CDH18: variants seen among roughly 807,000 people sequenced by gnomAD.
CDH18 encodes cadherin 18.
Under a neutral mutation model 67.9 loss-of-function variants are expected in CDH18, and 31 were observed. The ratio of observed to expected loss-of-function variants is 0.46; its 90% CI spans 0.34 to 0.62. The LOEUF (loss-of-function observed/expected upper bound fraction) is 0.62. Among genes scored for constraint, CDH18 ranks in the 20% least tolerant of loss-of-function variants. The probability of loss-of-function intolerance (pLI) is 0.01; values close to 1 mark genes in which losing one functional copy is unlikely to be tolerated. For missense variants in CDH18, 890 were observed against 975.5 expected, an observed-to-expected ratio of 0.91 and a Z score of 1.17; for synonymous variants, 362 against 347.2, an observed-to-expected ratio of 1.04 and a Z score of -0.48.
intron 5 of CDH18, among the ~76,000 whole-genome samples, chr5:19,638,995 T>TTTTTG (rs1753628720): frequency 9.1e-6 from 1 of 110,296 alleles, no homozygotes; most frequent in African/African-American, 3.2e-5. Context: ...TTTTTTTTTT[T>TTTTTG]TTTTTTTTTG....
intron 2 of CDH18, among the ~76,000 whole-genome samples, chr5:19,921,327 T>G (rs559795343): frequency 2.6e-5 from 4 of 152,062 alleles, no homozygotes; most frequent in Non-Finnish European, 4.4e-5. Flanking sequence ...GTCAGGAGAT[T>G]GCGACTATCC....
At chr5:20,110,541 G>A (rs557198767) in intron 2 of CDH18, among the ~76,000 whole-genome samples, 9 of 152,242 alleles carry the variant, frequency 5.9e-5, no homozygotes, top group South Asian at 2.1e-4. Flanking sequence ...AAAATTAGCC[G>A]GGTGTGGTGG....
chr5:20,451,164 C>G (rs143635180), intron 1 of CDH18, among the ~76,000 whole-genome samples: 7 of 152,310 alleles, frequency 4.6e-5, no homozygotes, highest in Non-Finnish European at 7.4e-5. Flanking sequence ...ACATTTCTTA[C>G]TACTCTGTAA....
chr5:20,297,945 C>CTTTTATTCTTTTACTTTATT (rs1747667194), intron 1 of CDH18, among the ~76,000 whole-genome samples: 1 of 152,116 alleles, frequency 6.6e-6, no homozygotes, highest in South Asian at 2.1e-4. Flanking sequence ...CTTGACAATA[C>CTTTTATTCTTTTACTTTATT]CTGTAATACT....
At chr5:20,381,346 C>A (rs2150100589) in intron 1 of CDH18, among the ~76,000 whole-genome samples, 1 of 151,564 alleles carries the variant, frequency 6.6e-6, no homozygotes, top group East Asian at 1.9e-4. Flanking sequence ...GGTGGAGCCT[C>A]ATGGGGAAGA....
intron 10 of CDH18, 136 bp from the exon 11 acceptor site, chr5:19,503,245 G>A (rs1743559740): frequency 1.7e-6 from 1 of 595,268 alleles, no homozygotes; most frequent in Non-Finnish European, 3.0e-6. Context: ...TCAAATTCAG[G>A]TCATAAAACA....
intron 3 of CDH18, among the ~76,000 whole-genome samples, chr5:19,794,820 G>T (rs1221649199): frequency 6.6e-6 from 1 of 152,088 alleles, no homozygotes; most frequent in East Asian, 1.9e-4. Flanking sequence ...CAGATAAGAT[G>T]ATATACACTC....
At chr5:19,665,030 G>C (rs769228505) in intron 5 of CDH18, among the ~76,000 whole-genome samples, 1 of 151,506 alleles carries the variant, frequency 6.6e-6, no homozygotes, top group Non-Finnish European at 1.5e-5. Context: ...AGTAATAATT[G>C]GTAGATTTTT....
At chr5:19,764,252 C>T (rs796909755) in intron 3 of CDH18, among the ~76,000 whole-genome samples, 4 of 149,902 alleles carry the variant, frequency 2.7e-5, no homozygotes, top group African/African-American at 9.8e-5. Flanking sequence ...ATTTGAGAGA[C>T]AAAAAGGAAT....
In CDH18 at chr5:20,460,440, T is replaced by TAAATAAAA. The variant is rs1313804068; in HGVS notation, c.-580+115021_-580+115022insTTTTATTT. 4.8e-4 allele frequency among the ~76,000 whole-genome samples: 62 copies of TAAATAAAA among 130,226 alleles called. No individual in the cohort carries two copies. In the Middle Eastern group the frequency reaches 0.017, roughly 35 times the overall value. The allele number at this position is 130,226 out of a possible 152,430, so 85.4% of individuals were successfully genotyped here. A position where few individuals can be genotyped will look rare whatever the true frequency, so the allele number is the denominator to read the frequency against. On this transcript the variant is annotated intron_variant, in intron 1 of 14. Transcript: ENST00000507958. Reference sequence around the variant, plus strand: ...ATAAATAAATAAATAAATAAATAAATAAAATATGTTGCGTGACTGAGGCAT... The same window carrying TAAATAAAA: ...ATAAATAAATAAATAAATAAATAAATAAATAAAAAAAATATGTTGCGTGACTGAGGCAT...
At chr5:19,691,359 C>T (rs1761856999) in intron 5 of CDH18, among the ~76,000 whole-genome samples, 1 of 151,802 alleles carries the variant, frequency 6.6e-6, no homozygotes, top group African/African-American at 2.4e-5. Context: ...TTCACAACTC[C>T]TATTCAACAT....
At chr5:19,732,234 T>C (rs189248172) in intron 4 of CDH18, among the ~76,000 whole-genome samples, 72 of 140,032 alleles carry the variant, frequency 5.1e-4, no homozygotes, top group African/African-American at 1.9e-3. Flanking sequence ...TGAGCCCAGA[T>C]ATTCAAGACC....
chr5:20,422,576 AT>A (rs1747947274), intron 1 of CDH18, among the ~76,000 whole-genome samples: 1 of 151,108 alleles, frequency 6.6e-6, no homozygotes, highest in Admixed American at 6.6e-5. Context: ...TTATTTGAAA[AT>A]TTAACTGAAG....
At chr5:20,297,621 G>A (rs112460744) in intron 1 of CDH18, among the ~76,000 whole-genome samples, 3 of 152,286 alleles carry the variant, frequency 2.0e-5, no homozygotes, top group African/African-American at 7.2e-5. Context: ...ACTGGATGCT[G>A]CTAAATATAC....
chr5:19,784,802 T>C (rs1300473959), intron 3 of CDH18, among the ~76,000 whole-genome samples: 4 of 152,128 alleles, frequency 2.6e-5, no homozygotes, highest in African/African-American at 9.7e-5. Context: ...AAAAGACACA[T>C]TTACCATCTA....
At chr5:19,841,482 C>A (rs1040924320) in intron 2 of CDH18, among the ~76,000 whole-genome samples, 1 of 151,074 alleles carries the variant, frequency 6.6e-6, no homozygotes. Flanking sequence ...ATTTAATATT[C>A]TTTCCAGCAT....
chr5:19,948,704 C>T (rs1407758213), intron 2 of CDH18, among the ~76,000 whole-genome samples: 8 of 151,900 alleles, frequency 5.3e-5, no homozygotes, highest in East Asian at 3.9e-4. Context: ...GAATAAGCTT[C>T]GTAGATTGTA....
rs575212207 is a variant in CDH18 at position 20,502,231 on chromosome 5, C to T, written c.-580+73231G>A. Reference sequence around the variant, plus strand: ...TCCAAGGATGACTAGTTATGTTGTTCAATGGATTACTTGTTTCTAAATCAA... The same window carrying T: ...TCCAAGGATGACTAGTTATGTTGTTTAATGGATTACTTGTTTCTAAATCAA... On this transcript the variant is annotated intron_variant, in intron 1 of 14. Coordinates refer to the CDH18 transcript ENST00000507958. Among the ~76,000 whole-genome samples, 5 of 152,172 alleles carry T rather than the reference C, an allele frequency of 3.3e-5. No individual in the cohort carries two copies. The East Asian group carries it at 5.8e-4, about 18-fold the overall frequency.
chr5:19,734,293 T>C (rs1364471363), intron 4 of CDH18, among the ~76,000 whole-genome samples: 3 of 152,202 alleles, frequency 2.0e-5, no homozygotes, highest in African/African-American at 7.2e-5. Context: ...CTGGAATGCA[T>C]TGATATTCTT....
Sources: gnomAD v4.1 joint callset for allele counts (sites outside exome capture counted in the v4.1 genomes callset) on GRCh38, gnomAD v4.1.1 for gene constraint, MANE v1.5 for transcripts, NCBI Gene and HGNC (gene_info 2026-07-23, HGNC 2026-07-21) for gene names.